The following WDR27 variants were observed in gnomAD, a reference collection of about 807,000 sequenced individuals.
WDR27 encodes WD repeat-containing protein 27.
A neutral mutation model predicts 114.4 loss-of-function variants in WDR27; 100 were observed. The observed-to-expected ratio is 0.87, with a 90% CI of 0.74 to 1.03. The LOEUF (loss-of-function observed/expected upper bound fraction) is 1.03. Ranked by LOEUF, WDR27 falls within the 50% of genes least tolerant of loss-of-function variation. The pLI is 0.00. For synonymous variants in WDR27, 449 were observed against 423.1 expected (o/e 1.06, Z -0.75); for missense variants, 1,129 against 1,092.9 (o/e 1.03, Z -0.47).
At chr6:169,541,287 A>G (rs1484496001) in intron 25 of WDR27, among the ~76,000 whole-genome samples, 1 of 152,242 alleles carries the variant, frequency 6.6e-6, no homozygotes, top group Non-Finnish European at 1.5e-5. Flanking sequence ...CCAATATTTA[A>G]AACTATAAGA....
intron 25 of WDR27, among the ~76,000 whole-genome samples, chr6:169,466,752 C>G (rs1785640373): frequency 6.6e-6 from 1 of 152,100 alleles, no homozygotes; most frequent in Non-Finnish European, 1.5e-5. Context: ...GAGACATAGC[C>G]AAACCAAATT....
intron 25 of WDR27, among the ~76,000 whole-genome samples, chr6:169,484,986 G>A (rs758828101): frequency 1.5e-4 from 23 of 152,156 alleles, no homozygotes; most frequent in African/African-American, 2.2e-4. Flanking sequence ...GATTGAAGCC[G>A]GACCCCTTCC....
chr6:169,666,293 T>C (rs184068314), intron 6 of WDR27: 2 of 726,226 alleles, frequency 2.8e-6, no homozygotes, highest in Non-Finnish European at 3.4e-6. Context: ...TACAGCACCA[T>C]AGTCCACACA....
chr6:169,570,736 G>A (rs1392075015), intron 25 of WDR27, among the ~76,000 whole-genome samples: 2 of 152,200 alleles, frequency 1.3e-5, no homozygotes, highest in Non-Finnish European at 2.9e-5. Context: ...GGCTGCGGCA[G>A]GAGAATTGCT....
rs1427142686 is a variant in WDR27 at position 169,651,974 on chromosome 6, A to G, written c.1437T>C (p.Val479=). 6.2e-7 allele frequency: 1 copy of G among 1,613,878 alleles called. No individual in the cohort carries two copies. Among genetic ancestry groups the G allele is most frequent in the Non-Finnish European group, 8.5e-7 (1 of 1,179,870 alleles). ...CAGATGACCTAACTTTACTATGGAA[A>G]ACCAGGCGTTGGTCCTTCATGACGT... ...ARNVMKDQRL[V]FHSKVRSSGY... The change falls in exon 14 of 26, where the codon GTT becomes GTC. Residue 479 remains valine, a synonymous_variant. Coordinates refer to ENST00000448612, the MANE Select transcript of WDR27 (RefSeq NM_182552.5).
intron 25 of WDR27, among the ~76,000 whole-genome samples, chr6:169,461,755 T>C (rs773266732): frequency 1.4e-5 from 2 of 140,758 alleles, no homozygotes; most frequent in African/African-American, 2.6e-5. Flanking sequence ...AGGAAGTAAA[T>C]AAGAAAGATC....
intron 25 of WDR27, among the ~76,000 whole-genome samples, chr6:169,492,445 T>C (rs1349083674): frequency 1.3e-5 from 2 of 152,072 alleles, no homozygotes; most frequent in African/African-American, 4.8e-5. Flanking sequence ...GAAACAATAT[T>C]TGAAGAAGTA....
intron 2 of WDR27, among the ~76,000 whole-genome samples, chr6:169,677,142 G>A (rs1432733008): frequency 6.6e-6 from 1 of 152,228 alleles, no homozygotes; most frequent in Non-Finnish European, 1.5e-5. Context: ...GGGCTCAGAG[G>A]AAGACGAGAT....
chr6:169,589,764 G>T (rs1055349531), intron 23 of WDR27, among the ~76,000 whole-genome samples: 8 of 152,178 alleles, frequency 5.3e-5, no homozygotes, highest in Non-Finnish European at 7.3e-5. Context: ...CAGAGCGATG[G>T]TAATGAACAG....
In WDR27 at chr6:169,684,846, G is replaced by A. The variant is rs1379360190; in HGVS notation, c.189+3971C>T. On this transcript the variant is annotated intron_variant, in intron 2 of 25. Coordinates refer to ENST00000448612, the MANE Select transcript of WDR27 (RefSeq NM_182552.5). This position sits in a 1 kb window ranked among gnomAD's most constrained non-coding sequence, Gnocchi z 4.3. ...GCTGCCCCAGCAGATATGTCCCCAC[G>A]CTGGCCAAGCAACCATGTGCCCATG... Among the ~76,000 whole-genome samples the A allele has an allele frequency of 2.0e-5, 3 of 152,152 alleles. No individual in the cohort carries two copies. Among genetic ancestry groups the A allele is most frequent in the African/African-American group, 7.2e-5 (3 of 41,428 alleles).
At chr6:169,635,287 A>T (rs1266650796) in intron 19 of WDR27, among the ~76,000 whole-genome samples, 2 of 152,228 alleles carry the variant, frequency 1.3e-5, no homozygotes, top group African/African-American at 4.8e-5. Context: ...TGGGAGGCTG[A>T]TGCAGGAGAA....
intron 21 of WDR27, among the ~76,000 whole-genome samples, chr6:169,628,701 T>G (rs1390761106): frequency 6.6e-6 from 1 of 152,202 alleles, no homozygotes; most frequent in South Asian, 2.1e-4. Flanking sequence ...CATTTTATAG[T>G]GCTTAGAACA....
Position 169,457,242 on chromosome 6 carries a change from A to G in WDR27, c.*350T>C, listed in dbSNP as rs985114109. ...TTAACTGCTTTATTTTCACTGCCCAAAAGAAATTCTCTCTTTTTTCTTCCA... is the reference window on the plus strand; with the variant it reads ...TTAACTGCTTTATTTTCACTGCCCAGAAGAAATTCTCTCTTTTTTCTTCCA... On this transcript the variant is annotated 3_prime_UTR_variant, in exon 26 of 26. Transcript: ENST00000448612. 4.6e-5 allele frequency: 9 copies of G among 197,062 alleles called. No homozygotes were observed. Among genetic ancestry groups the G allele is most frequent in the African/African-American group, 2.4e-5 (1 of 42,424 alleles). The allele number at this position is 197,062 out of a possible 1,614,324, so 12.2% of individuals were successfully genotyped here.
At chr6:169,540,107 T>C (rs1302142337) in intron 25 of WDR27, among the ~76,000 whole-genome samples, 2 of 152,236 alleles carry the variant, frequency 1.3e-5, no homozygotes, top group African/African-American at 4.8e-5. Flanking sequence ...AATCATAATT[T>C]TCTTTCTTTT....
Position 169,633,011 on chromosome 6 carries a change from C to T in WDR27, c.2159G>A (p.Gly720Asp), listed in dbSNP as rs1338738336. The change falls in exon 21 of 26, where the codon GGC (glycine) becomes GAC (aspartate). Residue 720 changes from glycine (G) to aspartate (D), a missense_variant. By Grantham distance (94) the Gly-to-Asp change is moderately conservative (BLOSUM62 -1). Coordinates refer to ENST00000448612, the MANE Select transcript of WDR27 (RefSeq NM_182552.5). ...TTCCGCTATCACCGCTGCACTGCAGCCGGCGTTGAGGTCAAACACTTCCAC... is the reference window on the plus strand; with the variant it reads ...TTCCGCTATCACCGCTGCACTGCAGTCGGCGTTGAGGTCAAACACTTCCAC... ...RTVEVFDLNA[G>D]CSAAVIAEAH... 1 of 1,598,846 alleles carries T rather than the reference C, an allele frequency of 6.3e-7. No individual in the cohort carries two copies.
At chr6:169,572,586 A>ACCTAGTAG (rs1276241736) in intron 24 of WDR27, 46 bp from the exon 25 acceptor site, 1 of 151,934 alleles carries the variant, frequency 6.6e-6, no homozygotes, top group Non-Finnish European at 1.5e-5. Flanking sequence ...GAATTCCAAT[A>ACCTAGTAG]CCTAGTAGCC....
intron 12 of WDR27, among the ~76,000 whole-genome samples, 153 bp downstream of exon 12, chr6:169,658,933 C>T (rs914247010): frequency 1.3e-5 from 2 of 152,148 alleles, no homozygotes; most frequent in Admixed American, 6.5e-5. Flanking sequence ...GTGATCCACC[C>T]GCCTCGGCCT....
Position 169,688,242 on chromosome 6 carries a change from G to A in WDR27, c.189+575C>T, listed in dbSNP as rs918325350. ...CAACATGGATGAACCTCATAAACAT[G>A]CTGATTAATCAAAGAAACCAGCACA... On this transcript the variant is annotated intron_variant, in intron 2 of 25. Coordinates refer to ENST00000448612, the MANE Select transcript of WDR27 (RefSeq NM_182552.5). Among the ~76,000 whole-genome samples, 4 of 152,100 alleles carry A rather than the reference G, an allele frequency of 2.6e-5. No homozygotes were observed. In the East Asian group the frequency reaches 7.7e-4, roughly 29 times the overall value.
chr6:169,429,185 G>A, the WDR27 span, among the ~76,000 whole-genome samples: 1,349 of 152,258 alleles, frequency 8.9e-3, 12 homozygotes, highest in African/African-American at 0.03. Flanking sequence ...GGCGCTGGGC[G>A]GCTTTGGCTT....
Sources: gnomAD v4.1 joint callset for allele counts (sites outside exome capture counted in the v4.1 genomes callset) on GRCh38, gnomAD v4.1.1 for gene constraint, Gnocchi (gnomAD v3.1) non-coding constraint, MANE v1.5 for transcripts, NCBI Gene and HGNC (gene_info 2026-07-23, HGNC 2026-07-21) for gene names.